FHIP1A: variants seen among roughly 807,000 people sequenced by gnomAD.
FHIP1A encodes FHF complex subunit HOOK-interacting protein 1A.
In FHIP1A, 61 loss-of-function variants were observed where a neutral mutation model predicts 88.6. The ratio of observed to expected loss-of-function variants is 0.69; its 90% CI spans 0.56 to 0.85. The LOEUF is 0.85. Among genes scored for constraint, FHIP1A ranks in the 40% least tolerant of loss-of-function variants. FHIP1A has a pLI of 0.00. For synonymous variants in FHIP1A, 478 were observed against 496.0 expected, an observed-to-expected ratio of 0.96 and a Z score of 0.48; for missense variants, 1,154 against 1,273.5, an observed-to-expected ratio of 0.91 and a Z score of 1.43.
intron 9 of FHIP1A, 86 bp from the exon 10 acceptor site, chr4:151,646,472 A>G: frequency 2.2e-6 from 2 of 891,698 alleles, no homozygotes; most frequent in Non-Finnish European, 3.5e-6. Context: ...CCCTGGCCAC[A>G]AGGAGTCCCT....
chr4:151,628,508 A>G (rs1488446363), intron 7 of FHIP1A, among the ~76,000 whole-genome samples: 1 of 152,242 alleles, frequency 6.6e-6, no homozygotes, highest in Non-Finnish European at 1.5e-5. Context: ...CCGAAAATTA[A>G]AAGGGGAAGA....
intron 2 of FHIP1A, among the ~76,000 whole-genome samples, chr4:151,458,246 G>T (rs1729031979): frequency 6.6e-6 from 1 of 152,174 alleles, no homozygotes. Flanking sequence ...ACAGAACTTT[G>T]AATTGCACTT....
intron 8 of FHIP1A, among the ~76,000 whole-genome samples, chr4:151,636,420 T>C (rs966771157): frequency 1.3e-5 from 2 of 151,914 alleles, no homozygotes; most frequent in African/African-American, 4.8e-5. Flanking sequence ...CCAGGGCAAT[T>C]CAATAAGAAA....
At chr4:151,566,640 T>TA (rs1733399360) in intron 4 of FHIP1A, among the ~76,000 whole-genome samples, 3 of 152,228 alleles carry the variant, frequency 2.0e-5, no homozygotes, top group Admixed American at 1.3e-4. Flanking sequence ...AAGTGACTTT[T>TA]ATATCGCTTT....
chr4:151,422,762 AG>A (rs1442643674), intron 1 of FHIP1A, among the ~76,000 whole-genome samples: 1 of 152,150 alleles, frequency 6.6e-6, no homozygotes, highest in African/African-American at 2.4e-5. Flanking sequence ...ATTTGATAGC[AG>A]GAGCTCCATG....
intron 7 of FHIP1A, among the ~76,000 whole-genome samples, chr4:151,623,335 T>A (rs2126867580): frequency 6.6e-6 from 1 of 152,252 alleles, no homozygotes; most frequent in Middle Eastern, 3.4e-3. Flanking sequence ...AGCCTATCCC[T>A]TGTGACCACC....
In FHIP1A at chr4:151,617,543, C is replaced by T. The variant is rs557284090; in HGVS notation, c.979-12159C>T. On this transcript the variant is annotated intron_variant, in intron 7 of 13. Coordinates refer to ENST00000435205, the MANE Select transcript of FHIP1A (RefSeq NM_001109977.3). ...CCTCTGAACAGTTCATTCTTGCTCCCGTGTTCCTGCTGGATTATCCTTTCC... is the reference window on the plus strand; with the variant it reads ...CCTCTGAACAGTTCATTCTTGCTCCTGTGTTCCTGCTGGATTATCCTTTCC... Among the ~76,000 whole-genome samples, 4 of 152,230 alleles carry T rather than the reference C, an allele frequency of 2.6e-5. No homozygotes were observed. The East Asian group carries it at 5.8e-4, about 22-fold the overall frequency.
intron 3 of FHIP1A, among the ~76,000 whole-genome samples, chr4:151,502,482 A>T (rs538604019): frequency 2.0e-5 from 3 of 152,366 alleles, no homozygotes; most frequent in Non-Finnish European, 4.4e-5. Flanking sequence ...TGAAAAATTC[A>T]GTAGAGGGGT....
Position 151,475,201 on chromosome 4 carries a change from C to T in FHIP1A, c.-247-7323C>T, listed in dbSNP as rs147612491. 8.2e-3 allele frequency among the ~76,000 whole-genome samples: 1,243 copies of T among 152,228 alleles called. 74 individuals are homozygous for T. The highest frequency in any genetic ancestry group is 0.075 in the Admixed American group (1,141 of 15,284). On this transcript the variant is annotated intron_variant, in intron 2 of 13. Transcript: ENST00000435205. Reference sequence around the variant, plus strand: ...ATAAATAGTAAGTACTTCCCATGTGCCAGGCCTGCTCTTGGTGCTGGGAAG... The same window carrying T: ...ATAAATAGTAAGTACTTCCCATGTGTCAGGCCTGCTCTTGGTGCTGGGAAG...
At chr4:151,414,145 G>T (rs1215501783) in intron 1 of FHIP1A, among the ~76,000 whole-genome samples, 1 of 152,026 alleles carries the variant, frequency 6.6e-6, no homozygotes, top group Non-Finnish European at 1.5e-5. Flanking sequence ...CCGCCTTCCA[G>T]GTCCAAGTGA....
chr4:151,416,694 A>G (rs1018881220), intron 1 of FHIP1A, among the ~76,000 whole-genome samples: 2 of 152,214 alleles, frequency 1.3e-5, no homozygotes, highest in African/African-American at 2.4e-5. Flanking sequence ...TTTCTTAATA[A>G]AATAAGAATT....
chr4:151,556,982 G>T (rs1560766937), intron 3 of FHIP1A, among the ~76,000 whole-genome samples: 1 of 152,074 alleles, frequency 6.6e-6, no homozygotes, highest in East Asian at 1.9e-4. Flanking sequence ...CCTCGCTAAG[G>T]GATGTTAGCT....
intron 3 of FHIP1A, among the ~76,000 whole-genome samples, chr4:151,511,110 TAGGC>T (rs1731012261): frequency 6.6e-6 from 1 of 152,184 alleles, no homozygotes; most frequent in South Asian, 2.1e-4. Context: ...AAATCCCCAT[TAGGC>T]TGCTCCAACT....
intron 3 of FHIP1A, among the ~76,000 whole-genome samples, chr4:151,519,330 A>C (rs1731369737): frequency 6.6e-6 from 1 of 152,182 alleles, no homozygotes; most frequent in Non-Finnish European, 1.5e-5. Context: ...ATGTAATTGA[A>C]ATCATACAAT....
At chr4:151,474,005 A>G (rs375590425) in intron 2 of FHIP1A, among the ~76,000 whole-genome samples, 3 of 152,290 alleles carry the variant, frequency 2.0e-5, no homozygotes, top group South Asian at 4.1e-4. Context: ...CAGCTCTAAA[A>G]TCTTTTTTTT....
chr4:151,618,859 C>T (rs567356922), intron 7 of FHIP1A, among the ~76,000 whole-genome samples: 1 of 152,300 alleles, frequency 6.6e-6, no homozygotes, highest in African/African-American at 2.4e-5. Context: ...ATGTTTTTCT[C>T]TTCTTTAAAT....
chr4:151,631,296 G>C (rs903364057), intron 8 of FHIP1A, among the ~76,000 whole-genome samples: 3 of 151,668 alleles, frequency 2.0e-5, no homozygotes, highest in African/African-American at 7.3e-5. Context: ...TGAAAGAGGA[G>C]GATATTACTA....
Position 151,669,264 on chromosome 4 carries a change from G to A in FHIP1A, c.*6510G>A, listed in dbSNP as rs1450131381. On this transcript the variant is annotated 3_prime_UTR_variant, in exon 14 of 14. Transcript: ENST00000435205. ...TCAGAAGCTGGCATTCAAGACAACA[G>A]GCAGTTTGTCAGAGCTGAATGAGAA... 6.6e-6 allele frequency among the ~76,000 whole-genome samples: 1 copy of A among 152,224 alleles called. No homozygotes were observed. The highest frequency in any genetic ancestry group is 2.4e-5 in the African/African-American group (1 of 41,456).
At chr4:151,620,299 C>T (rs560828216) in intron 7 of FHIP1A, among the ~76,000 whole-genome samples, 1 of 152,330 alleles carries the variant, frequency 6.6e-6, no homozygotes, top group East Asian at 1.9e-4. Flanking sequence ...GGAAGAGGCA[C>T]CCTTCTCTAA....
Sources: gnomAD v4.1 joint callset for allele counts (sites outside exome capture counted in the v4.1 genomes callset) on GRCh38, gnomAD v4.1.1 for gene constraint, MANE v1.5 for transcripts, NCBI Gene and HGNC (gene_info 2026-07-23, HGNC 2026-07-21) for gene names.